TXNL4A: variants seen among roughly 807,000 people sequenced by gnomAD.
The protein encoded by TXNL4A is thioredoxin-like protein 4A.
Under a neutral mutation model 14.6 loss-of-function variants are expected in TXNL4A, and 17 were observed. The observed-to-expected ratio is 1.16, with a 90% CI of 0.80 to 1.74. The LOEUF is 1.74. Ranked by LOEUF, TXNL4A falls within the 40% of genes most tolerant of loss-of-function variation. The pLI is 0.00. For synonymous variants in TXNL4A, 83 were observed against 70.6 expected (o/e 1.18, Z -0.88); for missense variants, 74 against 195.2 (o/e 0.38, Z 3.70).
In TXNL4A at chr18:79,983,662, A is replaced by C. The variant is rs146455834; in HGVS notation, c.153+4578T>G. Among the ~76,000 whole-genome samples, 7 of 152,374 alleles carry C rather than the reference A, an allele frequency of 4.6e-5. No homozygotes were observed. In the East Asian group the frequency reaches 1.3e-3, roughly 29 times the overall value. Reference sequence around the variant, plus strand: ...AATTCATGTCAAAGCCATAAAAAAAACTGAAAAACTTGACTTTCTAAAATT... The same window carrying C: ...AATTCATGTCAAAGCCATAAAAAAACCTGAAAAACTTGACTTTCTAAAATT... On this transcript the variant is annotated intron_variant, in intron 1 of 2. Transcript: ENST00000269601.
intron 1 of TXNL4A, among the ~76,000 whole-genome samples, chr18:80,021,048 T>C (rs548553956): frequency 1.3e-5 from 2 of 152,278 alleles, no homozygotes; most frequent in East Asian, 1.9e-4. Context: ...TATATACATA[T>C]TGTAAAACTT....
chr18:80,015,376 T>TATTATTATTATTATTATC (rs2051801037), intron 1 of TXNL4A, among the ~76,000 whole-genome samples: 1 of 150,966 alleles, frequency 6.6e-6, no homozygotes, highest in African/African-American at 2.4e-5. Flanking sequence ...TTATTATTAT[T>TATTATTATTATTATTATC]ATACTTTAAG....
At chr18:79,985,880 T>A (rs933777553) in intron 1 of TXNL4A, 1 of 152,208 alleles carries the variant, frequency 6.6e-6, no homozygotes, top group Non-Finnish European at 1.5e-5. Context: ...CACAGGGAAA[T>A]TTTTAAATAG....
chr18:79,998,577 C>T lies in TXNL4A; in HGVS notation c.-60-20876G>A, dbSNP rs1599739603. ...GAGGCCTATAGGCTATTTTAGCCAA[C>T]ACCTGGACCCGGTGGCTTGAGGGCT... On this transcript the variant is annotated intron_variant, in intron 1 of 2. Coordinates refer to the TXNL4A transcript ENST00000585474. Among the ~76,000 whole-genome samples the T allele has an allele frequency of 3.3e-5, 5 of 149,428 alleles. No homozygotes were observed. In the South Asian group the frequency reaches 6.5e-4, roughly 20 times the overall value.
intron 1 of TXNL4A, among the ~76,000 whole-genome samples, chr18:80,025,692 G>T (rs937797139): frequency 1.7e-4 from 26 of 152,236 alleles, no homozygotes; most frequent in Admixed American, 1.6e-3. Context: ...GTTTGCCCAA[G>T]AATTTGAGCT....
At chr18:79,983,428 C>T (rs972436016) in intron 1 of TXNL4A, among the ~76,000 whole-genome samples, 4 of 152,162 alleles carry the variant, frequency 2.6e-5, no homozygotes, top group Non-Finnish European at 5.9e-5. Flanking sequence ...GCAGTTCTTC[C>T]GCATGCCTCT....
At chr18:80,028,002 CCA>C (rs1259832886) in intron 1 of TXNL4A, among the ~76,000 whole-genome samples, 5 of 152,152 alleles carry the variant, frequency 3.3e-5, no homozygotes, top group Non-Finnish European at 5.9e-5. Flanking sequence ...CAAACTGATC[CCA>C]TCTTGTGGAC....
intron 2 of TXNL4A, among the ~76,000 whole-genome samples, chr18:79,974,705 A>G (rs935820071): frequency 6.6e-6 from 1 of 151,974 alleles, no homozygotes; most frequent in Admixed American, 6.6e-5. Context: ...TCTCAAACTC[A>G]TGGCCTCAAG....
At chr18:80,002,221 G>A (rs1002349571) in intron 1 of TXNL4A, among the ~76,000 whole-genome samples, 4 of 152,130 alleles carry the variant, frequency 2.6e-5, no homozygotes, top group African/African-American at 9.7e-5. Context: ...CATGCAAACA[G>A]TACAGATTTC....
intron 2 of TXNL4A, 90 bp from the exon 3 acceptor site, chr18:79,973,946 C>G: frequency 6.5e-7 from 1 of 1,543,592 alleles, no homozygotes; most frequent in Non-Finnish European, 8.8e-7. Flanking sequence ...CCCACTGTGA[C>G]AAGCTCTTGT....
intron 1 of TXNL4A, among the ~76,000 whole-genome samples, chr18:80,006,459 G>A (rs774883505): frequency 5.3e-5 from 8 of 152,170 alleles, no homozygotes; most frequent in South Asian, 2.1e-4. Flanking sequence ...AGGATTGAGC[G>A]CCCAGTGGTG....
intron 1 of TXNL4A, among the ~76,000 whole-genome samples, chr18:79,978,184 G>GT (rs1462515232): frequency 1.3e-5 from 2 of 151,948 alleles, no homozygotes; most frequent in Non-Finnish European, 2.9e-5. Context: ...CAGGTAACAA[G>GT]TTATCAAAGT....
At chr18:79,985,264 T>G (rs2051529578) in intron 1 of TXNL4A, among the ~76,000 whole-genome samples, 2 of 150,968 alleles carry the variant, frequency 1.3e-5, no homozygotes, top group Non-Finnish European at 3.0e-5. Flanking sequence ...ATAGAAAACT[T>G]TTTTTTTTTG....
At chr18:80,021,010 C>T (rs191538540) in intron 1 of TXNL4A, among the ~76,000 whole-genome samples, 9 of 152,226 alleles carry the variant, frequency 5.9e-5, no homozygotes, top group Middle Eastern at 3.4e-3. Flanking sequence ...TTGAGAAACC[C>T]CCTCAGTTGG....
chr18:79,997,444 C>T (rs1458316862), intron 1 of TXNL4A, among the ~76,000 whole-genome samples: 2 of 58,844 alleles, frequency 3.4e-5, no homozygotes, highest in East Asian at 2.8e-3. Context: ...GACTTGAGGG[C>T]AATAAATATG....
At chr18:80,021,511 G>A (rs1242738852) in intron 1 of TXNL4A, among the ~76,000 whole-genome samples, 2 of 152,246 alleles carry the variant, frequency 1.3e-5, no homozygotes, top group East Asian at 3.9e-4. Context: ...AACAAGTATT[G>A]GGAGTTAGGG....
intron 1 of TXNL4A, among the ~76,000 whole-genome samples, chr18:80,032,170 C>A (rs1236476573): frequency 6.6e-6 from 1 of 151,966 alleles, no homozygotes; most frequent in South Asian, 2.1e-4. Flanking sequence ...TTTTTATCTT[C>A]GTGGGACATG....
intron 1 of TXNL4A, among the ~76,000 whole-genome samples, chr18:80,013,620 A>G (rs117265518): frequency 0.011 from 1,637 of 151,560 alleles, 14 homozygotes; most frequent in Non-Finnish European, 0.017. Flanking sequence ...TTCTTTTTGT[A>G]TTTATAGTAG....
intron 1 of TXNL4A, among the ~76,000 whole-genome samples, chr18:80,018,254 G>A (rs1488146176): frequency 6.6e-6 from 1 of 152,184 alleles, no homozygotes; most frequent in African/African-American, 2.4e-5. Flanking sequence ...ATAACGAAAT[G>A]AAGGCAGAAA....
Sources: gnomAD v4.1 joint callset for allele counts (sites outside exome capture counted in the v4.1 genomes callset) on GRCh38, gnomAD v4.1.1 for gene constraint, MANE v1.5 for transcripts, NCBI Gene and HGNC (gene_info 2026-07-23, HGNC 2026-07-21) for gene names.